EBF2: variants seen among roughly 807,000 people sequenced by gnomAD.
EBF2 encodes the protein transcription factor COE2.
A neutral mutation model predicts 72.8 loss-of-function variants in EBF2; 21 were observed. The ratio of observed to expected loss-of-function variants is 0.29; its 90% CI spans 0.20 to 0.42. The LOEUF (loss-of-function observed/expected upper bound fraction) is 0.42. Ranked by LOEUF, EBF2 falls within the 10% of genes least tolerant of loss-of-function variation. EBF2 has a pLI of 1.00. For synonymous variants in EBF2, 299 were observed against 274.2 expected (o/e 1.09, Z -0.89); for missense variants, 637 against 731.2 (o/e 0.87, Z 1.49).
At chr8:25,846,707 TC>T (rs1379919208) in intron 15 of EBF2, among the ~76,000 whole-genome samples, 4 of 152,102 alleles carry the variant, frequency 2.6e-5, no homozygotes, top group Admixed American at 2.6e-4. Context: ...AAATCTTCAG[TC>T]CCTTCCTTTT....
In EBF2 at chr8:26,017,918, G is replaced by A. The variant is rs114760205; in HGVS notation, c.551+15167C>T. ...CTTTGAAAGGGGGTTTCGCGTATCAGGTTAATGCATGCACTTGGCGCAGCC... is the reference window on the plus strand; with the variant it reads ...CTTTGAAAGGGGGTTTCGCGTATCAAGTTAATGCATGCACTTGGCGCAGCC... On this transcript the variant is annotated intron_variant, in intron 6 of 15. Transcript: ENST00000520164. Among the ~76,000 whole-genome samples the A allele has an allele frequency of 6.6e-3, 998 of 152,216 alleles. 11 individuals are homozygous for A. Among genetic ancestry groups the A allele is most frequent in the African/African-American group, 0.023 (950 of 41,508 alleles).
chr8:26,020,443 C>T (rs973680045), intron 6 of EBF2, among the ~76,000 whole-genome samples: 7 of 152,114 alleles, frequency 4.6e-5, no homozygotes, highest in African/African-American at 1.7e-4. Context: ...TATTCTTCAT[C>T]GGGGAATGAA....
chr8:26,010,925 G>T (rs1000167684), intron 6 of EBF2, among the ~76,000 whole-genome samples: 1 of 151,894 alleles, frequency 6.6e-6, no homozygotes, highest in Non-Finnish European at 1.5e-5. Flanking sequence ...ACTAGAAAAA[G>T]TCCATAAACA....
chr8:25,874,806 C>A (rs182352605), intron 10 of EBF2, among the ~76,000 whole-genome samples: 1 of 151,748 alleles, frequency 6.6e-6, no homozygotes, highest in African/African-American at 2.4e-5. Flanking sequence ...CCACCTTGGG[C>A]TCCCAAGAGC....
intron 6 of EBF2, among the ~76,000 whole-genome samples, chr8:26,025,666 A>G (rs1039269792): frequency 2.6e-5 from 4 of 152,176 alleles, no homozygotes; most frequent in African/African-American, 9.7e-5. Context: ...TCCTCCAATG[A>G]AGAGCTTCAA....
At chr8:25,848,030 A>T (rs578194378) in intron 15 of EBF2, among the ~76,000 whole-genome samples, 9 of 147,194 alleles carry the variant, frequency 6.1e-5, no homozygotes, top group East Asian at 5.8e-4. Flanking sequence ...ATTTTCTTTT[A>T]AAAAAAAACC....
chr8:25,959,136 T>A (rs1338215318), intron 6 of EBF2, among the ~76,000 whole-genome samples: 1 of 152,210 alleles, frequency 6.6e-6, no homozygotes, highest in East Asian at 1.9e-4. Flanking sequence ...TTCTTCAATA[T>A]GTTGGGTTGT....
intron 6 of EBF2, chr8:26,032,209 A>G (rs892169937): frequency 6.6e-6 from 1 of 152,178 alleles, no homozygotes; most frequent in Non-Finnish European, 1.5e-5. Context: ...GCTATGCTAT[A>G]CTTTCCACGA....
At chr8:26,028,231 A>G (rs375289236) in intron 6 of EBF2, among the ~76,000 whole-genome samples, 1 of 152,240 alleles carries the variant, frequency 6.6e-6, no homozygotes, top group Admixed American at 6.5e-5. Context: ...AACCTTTTGA[A>G]TGAAGGTCAT....
At chr8:25,908,627 T>A in intron 6 of EBF2, 72 bp from the exon 7 acceptor site, 1 of 1,011,448 alleles carries the variant, frequency 9.9e-7, no homozygotes, top group Non-Finnish European at 1.5e-6. Context: ...TGCATTCCAT[T>A]AGATTTGATT....
At chr8:26,027,098 T>A (rs1443448064) in intron 6 of EBF2, among the ~76,000 whole-genome samples, 2 of 152,126 alleles carry the variant, frequency 1.3e-5, no homozygotes, top group Non-Finnish European at 2.9e-5. Context: ...GAGGTAATGG[T>A]CACCTTGCAG....
At chr8:25,903,299 G>C (rs757271860) in intron 7 of EBF2, among the ~76,000 whole-genome samples, 3 of 151,248 alleles carry the variant, frequency 2.0e-5, no homozygotes, top group Non-Finnish European at 4.4e-5. Context: ...CTTCCTAAGA[G>C]CTGGGATTAC....
At chr8:25,907,965 C>T (rs897509868) in intron 7 of EBF2, among the ~76,000 whole-genome samples, 1 of 152,182 alleles carries the variant, frequency 6.6e-6, no homozygotes, top group South Asian at 2.1e-4. Context: ...GATTTAACTG[C>T]CAGGCAGCTG....
chr8:25,917,065 G>A (rs1463650431), intron 6 of EBF2, among the ~76,000 whole-genome samples: 2 of 152,160 alleles, frequency 1.3e-5, no homozygotes, highest in African/African-American at 2.4e-5. Flanking sequence ...GTGGCAAGCA[G>A]TTGACTGTAA....
chr8:26,015,554 C>T (rs1805096170), intron 6 of EBF2, among the ~76,000 whole-genome samples: 3 of 152,212 alleles, frequency 2.0e-5, no homozygotes, highest in African/African-American at 7.2e-5. Context: ...AGAGTAAGAA[C>T]ATTCGGATAG....
chr8:25,996,769 C>A (rs564769908), intron 6 of EBF2, among the ~76,000 whole-genome samples: 16 of 151,616 alleles, frequency 1.1e-4, no homozygotes, highest in Non-Finnish European at 1.3e-4. Flanking sequence ...AAACTTCTGC[C>A]AAGGATAAGA....
At chr8:25,975,263 A>G (rs968159591) in intron 6 of EBF2, among the ~76,000 whole-genome samples, 1 of 152,214 alleles carries the variant, frequency 6.6e-6, no homozygotes, top group African/African-American at 2.4e-5. Flanking sequence ...CAAATTTTAC[A>G]GCAGTTTAAC....
intron 6 of EBF2, among the ~76,000 whole-genome samples, chr8:25,950,430 C>T (rs1803842228): frequency 6.6e-6 from 1 of 152,234 alleles, no homozygotes; most frequent in African/African-American, 2.4e-5. Flanking sequence ...AACGCATCTG[C>T]AATGCAGGGG....
Position 25,925,559 on chromosome 8 carries a change from C to T in EBF2, c.552-17004G>A, listed in dbSNP as rs778714813. Among the ~76,000 whole-genome samples the T allele has an allele frequency of 5.3e-5, 8 of 152,324 alleles. 1 individual carries two copies. In the South Asian group the frequency reaches 1.7e-3, roughly 32 times the overall value. ...CCCCCAACCCACCATCACATTACTT[C>T]AGCCAATCGTCATGAATGCACTTCG... On this transcript the variant is annotated intron_variant, in intron 6 of 15. Transcript: ENST00000520164.
Sources: gnomAD v4.1 joint callset for allele counts (sites outside exome capture counted in the v4.1 genomes callset) on GRCh38, gnomAD v4.1.1 for gene constraint, MANE v1.5 for transcripts, NCBI Gene and HGNC (gene_info 2026-07-23, HGNC 2026-07-21) for gene names.